Variants in TAF1 observed in about 807,000 individuals in gnomAD.
TAF1 encodes the protein TATA-box binding protein associated factor 1, also known as transcription initiation factor TFIID subunit 1.
A neutral mutation model predicts 138.5 loss-of-function variants in TAF1; 2 were observed. That is an observed-to-expected ratio of 0.01 (90% CI 0.01 to 0.05). The LOEUF is 0.05. Ranked by LOEUF, TAF1 falls within the 10% of genes least tolerant of loss-of-function variation. The pLI is 1.00. For synonymous variants in TAF1, 437 were observed against 503.2 expected, an observed-to-expected ratio of 0.87 and a Z score of 1.76; for missense variants, 709 against 1,478.0, an observed-to-expected ratio of 0.48 and a Z score of 8.53.
At chrX:71,398,239 G>A (rs2034963446) in intron 23 of TAF1, among the ~76,000 whole-genome samples, 1 of 110,529 alleles carries the variant, frequency 9.0e-6, no homozygotes, top group African/African-American at 3.3e-5. Flanking sequence ...TCAGGAGGCT[G>A]AGGCAGGAGA....
intron 8 of TAF1, 55 bp downstream of exon 8, chrX:71,379,086 A>G: frequency 1.7e-5 from 17 of 980,803 alleles, no homozygotes; most frequent in East Asian, 3.2e-5. Flanking sequence ...CTTAGTCACC[A>G]TAAGTGGGCT....
At chrX:71,481,139 C>T (rs1229658680) in intron 13 of TAF1, among the ~76,000 whole-genome samples, 1 of 111,803 alleles carries the variant, frequency 8.9e-6, no homozygotes, top group Non-Finnish European at 1.9e-5. Flanking sequence ...AGTAGCCAGA[C>T]GTGGTGGTGC....
chrX:71,442,982 G>A lies in TAF1; in HGVS notation c.4754-11188G>A, dbSNP rs752236093. ...AAGGTCAAATGGTTGTAGATGTGTG[G>A]TATTATTTCTGAGGCCTCTGTTCTG... On this transcript the variant is annotated intron_variant, in intron 32 of 37. Transcript: ENST00000423759. Among the ~76,000 whole-genome samples, 19 of 111,624 alleles carry A rather than the reference G, an allele frequency of 1.7e-4. No individual in the cohort carries two copies. In the South Asian group the frequency reaches 6.8e-3, roughly 40 times the overall value.
intron 3 of TAF1, among the ~76,000 whole-genome samples, chrX:71,370,749 A>G (rs1163162949): frequency 8.9e-6 from 1 of 112,087 alleles, no homozygotes; most frequent in East Asian, 2.8e-4. Flanking sequence ...AACCTTGGTA[A>G]ATACTTGAAC....
chrX:71,442,880 G>A (rs1055943333), intron 32 of TAF1, among the ~76,000 whole-genome samples: 1 of 111,889 alleles, frequency 8.9e-6, no homozygotes, highest in Middle Eastern at 4.6e-3. Flanking sequence ...TTCTACATAC[G>A]GCTAGACAGT....
At position 71,378,498 on chromosome X, in the gene TAF1, C is replaced by T. The variant is rs2033642118; in HGVS notation, c.1152+45C>T. The T allele has an allele frequency of 2.5e-6, 3 of 1,180,451 alleles. No homozygotes were observed. The African/African-American group carries it at 5.3e-5, about 21-fold the overall frequency. On this transcript the variant is annotated intron_variant, in intron 7 of 37. Coordinates refer to ENST00000423759, the MANE Select transcript of TAF1 (RefSeq NM_004606.5). ...AAGAAAGGAATCAATGTACTCAGGTCCTATTACTTTTACTAACTTTACTCT... is the reference window on the plus strand; with the variant it reads ...AAGAAAGGAATCAATGTACTCAGGTTCTATTACTTTTACTAACTTTACTCT...
At chrX:71,446,239 A>G (rs757296824) in intron 32 of TAF1, among the ~76,000 whole-genome samples, 1 of 111,093 alleles carries the variant, frequency 9.0e-6, no homozygotes, top group East Asian at 2.8e-4. Flanking sequence ...TATTTTATTG[A>G]TGTGTGCTTG....
chrX:71,366,850 C>CG (rs925920199), intron 1 of TAF1, among the ~76,000 whole-genome samples: 2 of 111,488 alleles, frequency 1.8e-5, no homozygotes, highest in Admixed American at 1.9e-4. Flanking sequence ...CCTCTGACAT[C>CG]GCTGCCCTGA....
chrX:71,507,114 T>TG (rs1250267214), intron 13 of TAF1, among the ~76,000 whole-genome samples: 3 of 112,134 alleles, frequency 2.7e-5, no homozygotes, highest in Non-Finnish European at 5.6e-5. Flanking sequence ...GGTTTACATA[T>TG]GGGGTGACGA....
chrX:71,459,035 G>A, intron 35 of TAF1: 1 of 419,883 alleles, frequency 2.4e-6, no homozygotes, highest in Non-Finnish European at 3.8e-6. Flanking sequence ...GCCCCCACTA[G>A]CAGTGGGATT....
intron 3 of TAF1, chrX:71,369,098 C>T (rs1034544247): frequency 3.6e-5 from 4 of 110,013 alleles, no homozygotes; most frequent in Admixed American, 2.9e-4. Context: ...GATCCGCCTG[C>T]CTCGGCTTCC....
chrX:71,449,533 T>G (rs2037857380), intron 32 of TAF1, among the ~76,000 whole-genome samples: 1 of 112,777 alleles, frequency 8.9e-6, no homozygotes, highest in African/African-American at 3.2e-5. Flanking sequence ...TGTATAAAAC[T>G]AATTTTTCCT....
chrX:71,393,564 A>G (rs923210780), intron 21 of TAF1, 88 bp downstream of exon 21: 68 of 1,051,768 alleles, frequency 6.5e-5, no homozygotes, highest in Non-Finnish European at 8.4e-5. Flanking sequence ...AGGTCACCTA[A>G]AAGTTTGACT....
rs772299351 is a variant in TAF1 at position 71,421,395 on chromosome X, GAGAA to G, written c.4452+22_4452+25del. On this transcript the variant is annotated intron_variant, in intron 29 of 37. Coordinates refer to ENST00000423759, the MANE Select transcript of TAF1 (RefSeq NM_004606.5). Reference sequence around the variant, plus strand: ...CAAAGAGGTAAGACAGTTAGAATGAGAGAAAGGCAGTGGAATTTGAAGGTGGGGG... The same window carrying G: ...CAAAGAGGTAAGACAGTTAGAATGAGAGGCAGTGGAATTTGAAGGTGGGGG... 2.2e-4 allele frequency: 168 copies of G among 769,175 alleles called. 1 individual carries two copies. The highest frequency in any genetic ancestry group is 3.1e-4 in the Non-Finnish European group (165 of 527,901). 63.4% of individuals were successfully genotyped at this position (769,175 alleles called of 1,213,427 possible). A position where few individuals can be genotyped will look rare whatever the true frequency, so the allele number is the denominator to read the frequency against.
intron 13 of TAF1, among the ~76,000 whole-genome samples, chrX:71,483,770 CTCTCTCTCTCTA>C (rs1432166405): frequency 9.1e-5 from 7 of 77,149 alleles, no homozygotes; most frequent in Middle Eastern, 5.9e-3. Flanking sequence ...CTCTCTCTCT[CTCTCTCTCTCTA>C]TATATATATA....
intron 14 of TAF1, among the ~76,000 whole-genome samples, chrX:71,529,121 G>A (rs1468128822): frequency 9.2e-6 from 1 of 108,740 alleles, no homozygotes; most frequent in African/African-American, 3.4e-5. Flanking sequence ...GCCCAGGCTG[G>A]AGTGCAGTGG....
At chrX:71,419,297 TA>T (rs1437058415) in intron 28 of TAF1, among the ~76,000 whole-genome samples, 1 of 108,048 alleles carries the variant, frequency 9.3e-6, no homozygotes, top group Non-Finnish European at 1.9e-5. Flanking sequence ...GGAAATGAGC[TA>T]AAAAAGTAAA....
At chrX:71,423,063 G>A (rs2036434866) in intron 29 of TAF1, 54 bp from the exon 30 acceptor site, 1 of 1,201,426 alleles carries the variant, frequency 8.3e-7, no homozygotes, top group Non-Finnish European at 1.1e-6. Flanking sequence ...ACTTTTCTAT[G>A]GTGATCACAC....
At chrX:71,429,463 T>C (rs2036770377) in intron 32 of TAF1, among the ~76,000 whole-genome samples, 1 of 110,931 alleles carries the variant, frequency 9.0e-6, no homozygotes. Context: ...TGAAGGTGCC[T>C]TGGATAGGGA....
Sources: allele counts gnomAD v4.1 joint callset (sites outside exome capture counted in the v4.1 genomes callset), GRCh38; gene constraint gnomAD v4.1.1; transcripts MANE v1.5; gene names NCBI Gene and HGNC (gene_info 2026-07-23, HGNC 2026-07-21).